C8orf34: variants seen among roughly 807,000 people sequenced by gnomAD.
C8orf34 encodes chromosome 8 open reading frame 34, also known as uncharacterized protein C8orf34.
In C8orf34, 65 loss-of-function variants were observed where a neutral mutation model predicts 68.3. The observed-to-expected ratio is 0.95, with a 90% CI of 0.78 to 1.17. The LOEUF (loss-of-function observed/expected upper bound fraction) is 1.17, where lower values mean the gene tolerates loss of function less well. Among genes scored for constraint, C8orf34 ranks in the 50% most tolerant of loss-of-function variants. The pLI is 0.00. For missense variants in C8orf34, 664 were observed against 655.4 expected, an observed-to-expected ratio of 1.01 and a Z score of -0.14; for synonymous variants, 244 against 241.2, an observed-to-expected ratio of 1.01 and a Z score of -0.11.
intron 7 of C8orf34, among the ~76,000 whole-genome samples, chr8:68,556,222 C>G (rs1461704026): frequency 6.7e-6 from 1 of 149,238 alleles, no homozygotes; most frequent in Non-Finnish European, 1.5e-5. Context: ...ATATTTATCT[C>G]AATCTCTATC....
At chr8:68,508,959 C>T (rs1243611977) in intron 5 of C8orf34, among the ~76,000 whole-genome samples, 2 of 152,130 alleles carry the variant, frequency 1.3e-5, no homozygotes, top group African/African-American at 2.4e-5. Flanking sequence ...AGTTTCCACA[C>T]AGGAAGAGGA....
intron 11 of C8orf34, among the ~76,000 whole-genome samples, chr8:68,779,740 T>C (rs899599205): frequency 2.6e-5 from 4 of 152,156 alleles, no homozygotes; most frequent in Admixed American, 6.6e-5. Context: ...CTATAATCAA[T>C]AAGAGAAAGT....
chr8:68,422,729 C>T (rs555098702), intron 1 of C8orf34, among the ~76,000 whole-genome samples: 2 of 152,364 alleles, frequency 1.3e-5, no homozygotes, highest in African/African-American at 4.8e-5. Flanking sequence ...CCCTTCCACA[C>T]TGCCCTAGCA....
chr8:68,818,145 G>C (rs552996524), intron 13 of C8orf34, 94 bp from the exon 14 acceptor site: 1 of 1,258,266 alleles, frequency 7.9e-7, no homozygotes, highest in African/African-American at 1.5e-5. Context: ...TTGGAATAGA[G>C]GAAAGCATTA....
At chr8:68,752,288 G>A (rs1585830035) in intron 10 of C8orf34, among the ~76,000 whole-genome samples, 1 of 152,132 alleles carries the variant, frequency 6.6e-6, no homozygotes, top group Non-Finnish European at 1.5e-5. Flanking sequence ...CAAATTCTAT[G>A]AGCCAACAAC....
At chr8:68,612,004 A>C (rs1818037955) in intron 7 of C8orf34, among the ~76,000 whole-genome samples, 1 of 152,124 alleles carries the variant, frequency 6.6e-6, no homozygotes, top group African/African-American at 2.4e-5. Context: ...CTTTTCCTGG[A>C]AAGTTCAGAA....
At chr8:68,801,302 T>C (rs575483953) in intron 12 of C8orf34, among the ~76,000 whole-genome samples, 4 of 152,336 alleles carry the variant, frequency 2.6e-5, no homozygotes, top group Non-Finnish European at 4.4e-5. Flanking sequence ...TCAAAAAGTT[T>C]GGATACTCTC....
chr8:68,422,910 C>T (rs892992443), intron 1 of C8orf34, among the ~76,000 whole-genome samples: 1 of 152,210 alleles, frequency 6.6e-6, no homozygotes, highest in African/African-American at 2.4e-5. Context: ...GGCTTACACC[C>T]TCTGAAACAA....
rs1367772554 is a variant in C8orf34, at chr8:68,818,368, A to G, written c.*122A>G. On this transcript the variant is annotated 3_prime_UTR_variant, in exon 14 of 14. Coordinates refer to ENST00000518698, the MANE Select transcript of C8orf34 (RefSeq NM_052958.4). ...GAGAATGGTTATTTTTATAATCTCA[A>G]TAATAAACAAGTACTATCGTAGCCA... The G allele has an allele frequency of 9.7e-6, 11 of 1,135,288 alleles. No homozygotes were observed. Among genetic ancestry groups the G allele is most frequent in the Admixed American group, 9.4e-5 (5 of 53,300 alleles). The allele number at this position is 1,135,288 out of a possible 1,614,324, so 70.3% of individuals were successfully genotyped here.
intron 12 of C8orf34, among the ~76,000 whole-genome samples, chr8:68,814,542 A>AC (rs969677976): frequency 2.3e-4 from 35 of 150,472 alleles, no homozygotes; most frequent in Non-Finnish European, 4.4e-4. Context: ...CAATCCAAAT[A>AC]TTTTTTTGTA....
intron 7 of C8orf34, among the ~76,000 whole-genome samples, chr8:68,605,725 G>C (rs1424571146): frequency 1.3e-5 from 2 of 152,074 alleles, no homozygotes; most frequent in Non-Finnish European, 2.9e-5. Context: ...TGAGGAGGGA[G>C]GAATCAATCC....
At chr8:68,422,468 G>C (rs1348692763) in intron 1 of C8orf34, among the ~76,000 whole-genome samples, 2 of 152,174 alleles carry the variant, frequency 1.3e-5, no homozygotes, top group Non-Finnish European at 2.9e-5. Flanking sequence ...CTCACATCAA[G>C]GTCATGCTGA....
At chr8:68,638,694 C>G (rs931361445) in intron 7 of C8orf34, among the ~76,000 whole-genome samples, 4 of 151,920 alleles carry the variant, frequency 2.6e-5, no homozygotes, top group African/African-American at 9.7e-5. Flanking sequence ...GTCCAGTTAA[C>G]AAACTGGACA....
At chr8:68,338,571 T>G (rs995087741) in intron 1 of C8orf34, among the ~76,000 whole-genome samples, 3 of 152,186 alleles carry the variant, frequency 2.0e-5, no homozygotes, top group African/African-American at 7.2e-5. Flanking sequence ...ACTATGCAAA[T>G]TTTTTGGTAT....
At chr8:68,508,568 G>A (rs2129633135) in intron 5 of C8orf34, among the ~76,000 whole-genome samples, 1 of 152,236 alleles carries the variant, frequency 6.6e-6, no homozygotes, top group South Asian at 2.1e-4. Context: ...GCTGATTTAG[G>A]CTGGTTCTTG....
At chr8:68,539,444 C>T (rs988396888) in intron 7 of C8orf34, among the ~76,000 whole-genome samples, 4 of 152,234 alleles carry the variant, frequency 2.6e-5, no homozygotes, top group Admixed American at 2.6e-4. Context: ...AGCATTAAAA[C>T]TCTTGATGAA....
At chr8:68,803,530 G>A (rs1015021380) in intron 12 of C8orf34, among the ~76,000 whole-genome samples, 3 of 151,780 alleles carry the variant, frequency 2.0e-5, no homozygotes, top group African/African-American at 7.3e-5. Flanking sequence ...AAATCCTACA[G>A]CAAACATCAT....
intron 7 of C8orf34, chr8:68,535,284 A>C: frequency 1.0e-6 from 1 of 980,538 alleles, no homozygotes; most frequent in Non-Finnish European, 1.2e-6. Context: ...TGGTATTTAA[A>C]ATCTTTTTGA....
At chr8:68,592,567 A>T in intron 7 of C8orf34, among the ~76,000 whole-genome samples, 1 of 150,006 alleles carries the variant, frequency 6.7e-6, no homozygotes, top group Non-Finnish European at 1.5e-5. Context: ...ATATCAGCTG[A>T]ATAACTGCAG....
Sources: gnomAD v4.1 joint callset for allele counts (sites outside exome capture counted in the v4.1 genomes callset) on GRCh38, gnomAD v4.1.1 for gene constraint, MANE v1.5 for transcripts, NCBI Gene and HGNC (gene_info 2026-07-23, HGNC 2026-07-21) for gene names.